NRXN1: variants seen among roughly 807,000 people sequenced by gnomAD.
The protein encoded by NRXN1 is neurexin 1.
Under a neutral mutation model 150.9 loss-of-function variants are expected in NRXN1, and 39 were observed. The observed-to-expected ratio is 0.26, with a 90% CI of 0.20 to 0.34. The LOEUF (loss-of-function observed/expected upper bound fraction) is 0.34. Ranked by LOEUF, NRXN1 falls within the 10% of genes least tolerant of loss-of-function variation. The pLI, the probability that NRXN1 is intolerant of heterozygous loss-of-function variation, is 1.00. For missense variants in NRXN1, 1,815 were observed against 1,949.9 expected, an observed-to-expected ratio of 0.93 and a Z score of 1.30; for synonymous variants, 924 against 757.0, an observed-to-expected ratio of 1.22 and a Z score of -3.62.
intron 17 of NRXN1, among the ~76,000 whole-genome samples, chr2:50,287,340 G>A (rs769394951): frequency 6.6e-6 from 1 of 152,054 alleles, no homozygotes; most frequent in African/African-American, 2.4e-5. Context: ...CATGCCATTA[G>A]TGCTGGAAAG....
intron 17 of NRXN1, among the ~76,000 whole-genome samples, chr2:50,266,536 TACACAC>T (rs67570666): frequency 1.9e-3 from 215 of 112,804 alleles, no homozygotes; most frequent in African/African-American, 6.4e-3. Flanking sequence ...TGTATATAAA[TACACAC>T]ACACACACAC....
At chr2:49,976,173 C>T (rs1678950454) in intron 21 of NRXN1, among the ~76,000 whole-genome samples, 1 of 148,640 alleles carries the variant, frequency 6.7e-6, no homozygotes, top group South Asian at 2.2e-4. Flanking sequence ...CAGGAGAGTG[C>T]CACCACGCCC....
In NRXN1 at chr2:49,965,082, G is replaced by A. The variant is rs939259712; in HGVS notation, c.4129-21291C>T. 9.2e-5 allele frequency among the ~76,000 whole-genome samples: 14 copies of A among 151,992 alleles called. No individual in the cohort carries two copies. In the South Asian group the frequency reaches 1.7e-3, roughly 18 times the overall value. ...TTTGGTAGAGACAGGGTTTCACCAC[G>A]TTTCCCAGGCTGGTCTCAAACTCCT... On this transcript the variant is annotated intron_variant, in intron 21 of 22. Coordinates refer to ENST00000401669, the MANE Select transcript of NRXN1 (RefSeq NM_001330078.2).
At chr2:49,985,742 TAAG>T (rs945687253) in intron 21 of NRXN1, among the ~76,000 whole-genome samples, 46 of 152,296 alleles carry the variant, frequency 3.0e-4, no homozygotes, top group Middle Eastern at 6.8e-3. Context: ...CCTTTTCACT[TAAG>T]AAGGCATACT....
intron 5 of NRXN1, among the ~76,000 whole-genome samples, chr2:50,758,643 G>C (rs1239400482): frequency 6.6e-6 from 1 of 151,846 alleles, no homozygotes; most frequent in Admixed American, 6.6e-5. Context: ...ATTCTGGCTT[G>C]TTTTCTTGCA....
Position 50,353,193 on chromosome 2 carries a change from G to A in NRXN1, c.3364+112249C>T, listed in dbSNP as rs148295877. 5.7e-4 allele frequency among the ~76,000 whole-genome samples: 86 copies of A among 152,122 alleles called. 1 individual carries two copies. The highest frequency in any genetic ancestry group is 3.3e-3 in the Admixed American group (51 of 15,270). On this transcript the variant is annotated intron_variant, in intron 17 of 22. Coordinates refer to ENST00000401669, the MANE Select transcript of NRXN1 (RefSeq NM_001330078.2). The stretch of plus-strand genomic sequence containing the variant: ...GTAATCTCTATCTTGTCTTTCATTC[G>A]ATTTAATAAAAATTTCATGTTTGGT...
chr2:50,199,347 GC>G (rs1490856180), intron 18 of NRXN1: 1 of 152,002 alleles, frequency 6.6e-6, no homozygotes, highest in East Asian at 1.9e-4. Flanking sequence ...AACCAGGTTT[GC>G]TTCTGTTTAG....
chr2:50,878,389 T>C (rs1678924931), intron 5 of NRXN1, among the ~76,000 whole-genome samples: 1 of 151,890 alleles, frequency 6.6e-6, no homozygotes, highest in Non-Finnish European at 1.5e-5. Flanking sequence ...TGTCAGGCAG[T>C]TCTTTTGATC....
intron 3 of NRXN1, among the ~76,000 whole-genome samples, chr2:50,925,705 T>G (rs149195256): frequency 6.6e-6 from 1 of 151,946 alleles, no homozygotes; most frequent in Non-Finnish European, 1.5e-5. Flanking sequence ...CTAAGCTTCA[T>G]ATGGGATGCT....
chr2:50,228,044 T>C (rs1474554336), intron 18 of NRXN1, among the ~76,000 whole-genome samples: 5 of 152,054 alleles, frequency 3.3e-5, no homozygotes, highest in African/African-American at 1.2e-4. Flanking sequence ...TGAGAGGTGT[T>C]GTTAAGTGTA....
rs377364033 is a variant in NRXN1 at position 51,027,816 on chromosome 2, A to G, written c.458T>C (p.Leu153Pro). The change falls in exon 2 of 23, where the codon CTT becomes CCT. Residue 153 changes from leucine (L) to proline (P), a missense_variant. Physicochemically the swap from Leu to Pro is moderately conservative, Grantham distance 98. Coordinates refer to ENST00000401669, the MANE Select transcript of NRXN1 (RefSeq NM_001330078.2). ...KRRDMTVFSG[L>P]FVGGLPPELR... ...TTCCGGGGGCAGCCCCCCGACGAAAAGGCCGCTGAACACCGTCATGTCCCT... is the reference window on the plus strand; with the variant it reads ...TTCCGGGGGCAGCCCCCCGACGAAAGGGCCGCTGAACACCGTCATGTCCCT... 1 of 1,613,348 alleles carries G rather than the reference A, an allele frequency of 6.2e-7. No individual in the cohort carries two copies. Among genetic ancestry groups the G allele is most frequent in the Non-Finnish European group, 8.5e-7 (1 of 1,179,684 alleles).
intron 5 of NRXN1, among the ~76,000 whole-genome samples, chr2:50,693,622 CA>C (rs1183923295): frequency 6.6e-6 from 1 of 152,070 alleles, no homozygotes; most frequent in Non-Finnish European, 1.5e-5. Context: ...CATTAAAATG[CA>C]GCTTGCAACC....
chr2:50,091,550 TA>T (rs1699579352), intron 18 of NRXN1, 56 bp from the exon 19 acceptor site: 1 of 1,549,874 alleles, frequency 6.5e-7, no homozygotes, highest in Admixed American at 1.7e-5. Context: ...CACCATTTAA[TA>T]AAGATTACAT....
At chr2:50,418,057 G>A (rs191249775) in intron 17 of NRXN1, among the ~76,000 whole-genome samples, 6 of 151,912 alleles carry the variant, frequency 3.9e-5, no homozygotes, top group Admixed American at 1.3e-4. Flanking sequence ...TAACCGAGAG[G>A]TCACCATGAT....
At chr2:50,221,787 A>G (rs2063910888) in intron 18 of NRXN1, among the ~76,000 whole-genome samples, 1 of 151,968 alleles carries the variant, frequency 6.6e-6, no homozygotes, top group Non-Finnish European at 1.5e-5. Flanking sequence ...CACAGAACAT[A>G]TGAGTTACTC....
intron 5 of NRXN1, among the ~76,000 whole-genome samples, chr2:50,797,096 A>G (rs1299225164): frequency 3.9e-5 from 6 of 152,158 alleles, no homozygotes; most frequent in Non-Finnish European, 8.8e-5. Context: ...GAAAGTCCCC[A>G]TCTCTTAATA....
At chr2:50,021,223 G>A (rs914696757) in intron 21 of NRXN1, among the ~76,000 whole-genome samples, 1 of 152,132 alleles carries the variant, frequency 6.6e-6, no homozygotes, top group Non-Finnish European at 1.5e-5. Context: ...TATCTGCTGG[G>A]ATTTTTAGTA....
intron 22 of NRXN1, among the ~76,000 whole-genome samples, chr2:49,924,304 T>C (rs1473396928): frequency 1.3e-5 from 2 of 152,298 alleles, no homozygotes; most frequent in East Asian, 3.9e-4. Context: ...CAGAAAGGAA[T>C]AGGGAGAATG....
intron 5 of NRXN1, among the ~76,000 whole-genome samples, chr2:50,865,314 A>C (rs573247206): frequency 6.6e-6 from 1 of 151,978 alleles, no homozygotes; most frequent in Non-Finnish European, 1.5e-5. Context: ...TACAAAACTA[A>C]AGAATAAAAG....
Sources: allele counts gnomAD v4.1 joint callset (sites outside exome capture counted in the v4.1 genomes callset), GRCh38; gene constraint gnomAD v4.1.1; transcripts MANE v1.5; gene names NCBI Gene and HGNC (gene_info 2026-07-23, HGNC 2026-07-21).